The following PRKG1 variants were observed in gnomAD, a reference collection of about 807,000 sequenced individuals.
PRKG1 encodes cGMP-dependent protein kinase 1.
In PRKG1, 35 loss-of-function variants were observed where a neutral mutation model predicts 88.1. That is an observed-to-expected ratio of 0.40 (90% CI 0.30 to 0.53). The LOEUF (loss-of-function observed/expected upper bound fraction) is 0.53, where lower values mean the gene tolerates loss of function less well. Ranked by LOEUF, PRKG1 falls within the 20% of genes least tolerant of loss-of-function variation. The pLI is 0.59. For synonymous variants in PRKG1, 303 were observed against 292.5 expected (o/e 1.04, Z -0.37); for missense variants, 540 against 839.8 (o/e 0.64, Z 4.41).
At chr10:51,520,949 A>C (rs558521928) in intron 3 of PRKG1, among the ~76,000 whole-genome samples, 1 of 152,352 alleles carries the variant, frequency 6.6e-6, no homozygotes, top group African/African-American at 2.4e-5. Flanking sequence ...TTTAATCAGA[A>C]GCTCAGTGTG....
chr10:51,855,932 G>A (rs1840668811), intron 4 of PRKG1, among the ~76,000 whole-genome samples: 1 of 152,156 alleles, frequency 6.6e-6, no homozygotes, highest in Non-Finnish European at 1.5e-5. Flanking sequence ...GAAATCCAAA[G>A]TATGTCATAA....
At chr10:51,751,063 A>T (rs1365120873) in intron 3 of PRKG1, among the ~76,000 whole-genome samples, 2 of 152,176 alleles carry the variant, frequency 1.3e-5, no homozygotes, top group Non-Finnish European at 2.9e-5. Context: ...ATCTGAAGTT[A>T]ATCTATTCAC....
intron 9 of PRKG1, chr10:52,231,208 G>A (rs1840512959): frequency 6.6e-6 from 1 of 152,090 alleles, no homozygotes; most frequent in Admixed American, 6.6e-5. Flanking sequence ...AATCAGCCTG[G>A]GCAACATGGT....
chr10:51,111,107 A>G (rs1844970000), intron 1 of PRKG1, among the ~76,000 whole-genome samples: 1 of 152,084 alleles, frequency 6.6e-6, no homozygotes, highest in South Asian at 2.1e-4. Context: ...CAGAGTTGAT[A>G]GTGTAGGACT....
At chr10:51,032,795 T>C (rs1843301055) in intron 1 of PRKG1, among the ~76,000 whole-genome samples, 1 of 152,174 alleles carries the variant, frequency 6.6e-6, no homozygotes, top group Non-Finnish European at 1.5e-5. Context: ...GGTATGTGTA[T>C]GTGTGCATAT....
intron 2 of PRKG1, among the ~76,000 whole-genome samples, chr10:51,153,636 T>C (rs1846133921): frequency 1.1e-4 from 17 of 152,072 alleles, no homozygotes; most frequent in Admixed American, 1.1e-3. Flanking sequence ...TGAGCAAACA[T>C]ACAAAGCTTC....
chr10:51,970,393 T>C (rs1382497140), intron 5 of PRKG1, among the ~76,000 whole-genome samples: 1 of 150,012 alleles, frequency 6.7e-6, no homozygotes, highest in Non-Finnish European at 1.5e-5. Context: ...TCTACAACCT[T>C]TTTTTTTGTC....
At chr10:51,688,206 T>A (rs1841043055) in intron 3 of PRKG1, among the ~76,000 whole-genome samples, 1 of 152,178 alleles carries the variant, frequency 6.6e-6, no homozygotes, top group Non-Finnish European at 1.5e-5. Flanking sequence ...GGGGATCTTA[T>A]TAATATGCAG....
chr10:51,540,438 G>T (rs1842271422), intron 3 of PRKG1, among the ~76,000 whole-genome samples: 1 of 152,138 alleles, frequency 6.6e-6, no homozygotes, highest in East Asian at 1.9e-4. Flanking sequence ...TGTCAAAGTA[G>T]TAGTGACAAC....
chr10:51,173,299 T>C (rs918675002), intron 2 of PRKG1, among the ~76,000 whole-genome samples: 1 of 152,032 alleles, frequency 6.6e-6, no homozygotes, highest in Non-Finnish European at 1.5e-5. Context: ...TTAAGGTTTC[T>C]AAAACTTCTG....
chr10:51,863,932 T>A (rs1359714988), intron 4 of PRKG1, among the ~76,000 whole-genome samples: 7 of 152,186 alleles, frequency 4.6e-5, no homozygotes, highest in Admixed American at 2.6e-4. Flanking sequence ...TGGAAAGGAT[T>A]TAGCTGGCAC....
At chr10:51,116,980 G>A (rs890567577) in intron 1 of PRKG1, among the ~76,000 whole-genome samples, 2 of 152,102 alleles carry the variant, frequency 1.3e-5, no homozygotes, top group African/African-American at 4.8e-5. Context: ...TCATAAGAGG[G>A]AATGGGTAGA....
chr10:52,001,052 G>C (rs569597892), intron 5 of PRKG1, among the ~76,000 whole-genome samples: 63 of 151,878 alleles, frequency 4.1e-4, no homozygotes, highest in African/African-American at 1.5e-3. Context: ...ATTACGGTGG[G>C]TTCAAAGTTT....
intron 1 of PRKG1, among the ~76,000 whole-genome samples, chr10:51,061,228 G>A (rs10822169): frequency 0.75 from 114,489 of 152,092 alleles, 44,222 homozygotes; most frequent in Non-Finnish European, 0.84. Flanking sequence ...AGAGCAAAGG[G>A]ACCTCTTACA....
intron 9 of PRKG1, among the ~76,000 whole-genome samples, chr10:52,167,520 C>T (rs1589667125): frequency 6.6e-6 from 1 of 151,760 alleles, no homozygotes; most frequent in South Asian, 2.1e-4. Context: ...TTAATAGTAG[C>T]TGACAACCCA....
intron 5 of PRKG1, among the ~76,000 whole-genome samples, chr10:51,969,637 T>A (rs997965863): frequency 4.6e-5 from 7 of 151,858 alleles, no homozygotes; most frequent in African/African-American, 1.7e-4. Flanking sequence ...AATATGCAAA[T>A]AGTCAAATAA....
chr10:51,424,627 A>G, intron 2 of PRKG1, among the ~76,000 whole-genome samples: 1 of 152,130 alleles, frequency 6.6e-6, no homozygotes, highest in East Asian at 1.9e-4. Context: ...TTAAATAAGA[A>G]TAACTGTGGA....
intron 2 of PRKG1, among the ~76,000 whole-genome samples, chr10:51,332,795 C>T (rs537464453): frequency 2.0e-5 from 3 of 152,294 alleles, no homozygotes; most frequent in African/African-American, 7.2e-5. Flanking sequence ...ACATGAAGGA[C>T]TACTCTCCTT....
At chr10:51,976,474 A>C (rs1843836091) in intron 5 of PRKG1, among the ~76,000 whole-genome samples, 8 of 151,772 alleles carry the variant, frequency 5.3e-5, no homozygotes, top group Admixed American at 5.3e-4. Context: ...CTTAAAAACA[A>C]TGTGCTAAGC....
Sources: gnomAD v4.1 joint callset for allele counts (sites outside exome capture counted in the v4.1 genomes callset) on GRCh38, gnomAD v4.1.1 for gene constraint, MANE v1.5 for transcripts, NCBI Gene and HGNC (gene_info 2026-07-23, HGNC 2026-07-21) for gene names.